Variants in COL24A1 observed in about 807,000 individuals in gnomAD.
The protein encoded by COL24A1 is collagen alpha-1(XXIV) chain.
In COL24A1, 224 loss-of-function variants were observed where a neutral mutation model predicts 253.9. That is an observed-to-expected ratio of 0.88 (90% CI 0.79 to 0.99). COL24A1 has a LOEUF of 0.99. Among genes scored for constraint, COL24A1 ranks in the 50% least tolerant of loss-of-function variants. The probability of loss-of-function intolerance (pLI) is 0.00; values close to 1 mark genes in which losing one functional copy is unlikely to be tolerated. For missense variants in COL24A1, 2,131 were observed against 2,068.5 expected (o/e 1.03, Z -0.59); for synonymous variants, 685 against 673.7 (o/e 1.02, Z -0.26).
chr1:85,899,287 T>C (rs1420220718), intron 28 of COL24A1, among the ~76,000 whole-genome samples: 1 of 152,122 alleles, frequency 6.6e-6, no homozygotes, highest in Non-Finnish European at 1.5e-5. Context: ...TAAAATACTA[T>C]AAAAAACAAG....
At chr1:86,133,823 T>C (rs1018050187) in intron 2 of COL24A1, among the ~76,000 whole-genome samples, 1 of 152,054 alleles carries the variant, frequency 6.6e-6, no homozygotes, top group Non-Finnish European at 1.5e-5. Context: ...TTTTGTTGTG[T>C]CTCTGCCAGG....
chr1:85,823,143 A>T (rs1419729973), intron 45 of COL24A1, among the ~76,000 whole-genome samples: 5 of 152,154 alleles, frequency 3.3e-5, no homozygotes, highest in Non-Finnish European at 7.3e-5. Context: ...AACAATTATC[A>T]TTTAATAATT....
At chr1:85,747,147 T>A (rs1368993614) in intron 55 of COL24A1, among the ~76,000 whole-genome samples, 1 of 148,972 alleles carries the variant, frequency 6.7e-6, no homozygotes, top group South Asian at 2.1e-4. Context: ...AGTCTCGCTC[T>A]GTCACCCAGG....
At chr1:86,059,209 G>C in intron 8 of COL24A1, 35 bp from the exon 9 acceptor site, 1 of 1,496,824 alleles carries the variant, frequency 6.7e-7, no homozygotes, top group Admixed American at 2.0e-5. Context: ...GTATAGCAAA[G>C]CCAAAGGAAA....
chr1:86,038,775 T>C (rs918336697), intron 12 of COL24A1, among the ~76,000 whole-genome samples: 1 of 152,072 alleles, frequency 6.6e-6, no homozygotes, highest in Non-Finnish European at 1.5e-5. Flanking sequence ...GAGGTCTCCA[T>C]GGGGAGGAAG....
At chr1:86,041,031 T>C (rs1699435458) in intron 12 of COL24A1, among the ~76,000 whole-genome samples, 1 of 152,178 alleles carries the variant, frequency 6.6e-6, no homozygotes, top group African/African-American at 2.4e-5. Flanking sequence ...ATTCTAACTC[T>C]AGATTTAGAA....
intron 47 of COL24A1, among the ~76,000 whole-genome samples, chr1:85,798,495 G>A (rs1360441949): frequency 6.6e-6 from 1 of 152,074 alleles, no homozygotes; most frequent in Non-Finnish European, 1.5e-5. Context: ...AAAGAATGTA[G>A]GTCTCTTTCT....
chr1:86,033,914 C>T lies in COL24A1; in HGVS notation c.1960G>A (p.Gly654Ser). ...GCAGGGCCTCTGTCTCCAAAGTCAC[C>T]TGGAAAACCCTGTCACAGGGAAAGA... is the stretch of plus-strand genomic sequence containing the variant. Reference protein sequence around the residue: ...KGFKGRQGFPGDFGDRGPAGL... With the variant: ...KGFKGRQGFPSDFGDRGPAGL... The change falls in exon 13 of 60, where the codon GGT (glycine) becomes AGT (serine). Residue 654 changes from glycine (G) to serine (S), a missense_variant. Physicochemically the swap from Gly to Ser is moderately conservative, Grantham distance 56. Transcript: ENST00000370571. 6.3e-7 allele frequency: 1 copy of T among 1,593,544 alleles called. No homozygotes were observed.
At chr1:86,054,316 T>A in intron 10 of COL24A1, among the ~76,000 whole-genome samples, 1 of 151,778 alleles carries the variant, frequency 6.6e-6, no homozygotes, top group African/African-American at 2.4e-5. Flanking sequence ...AAACTAAAGG[T>A]CTTCTGCAGA....
intron 53 of COL24A1, among the ~76,000 whole-genome samples, chr1:85,768,308 CAAG>C (rs1465994430): frequency 1.3e-5 from 2 of 151,688 alleles, no homozygotes; most frequent in African/African-American, 2.4e-5. Flanking sequence ...ATTCTAAGTG[CAAG>C]AAGAAGTCAT....
chr1:86,139,029 A>G (rs1650688114), intron 2 of COL24A1, among the ~76,000 whole-genome samples: 1 of 152,148 alleles, frequency 6.6e-6, no homozygotes, highest in African/African-American at 2.4e-5. Context: ...GTATGCTAAT[A>G]AAATCAGTCT....
At chr1:85,852,930 G>C (rs561133087) in intron 37 of COL24A1, among the ~76,000 whole-genome samples, 1 of 152,108 alleles carries the variant, frequency 6.6e-6, no homozygotes, top group Non-Finnish European at 1.5e-5. Context: ...AAGTACAGGC[G>C]CATGCCACAG....
At chr1:85,824,499 C>T (rs1260802837) in intron 43 of COL24A1, among the ~76,000 whole-genome samples, 1 of 152,138 alleles carries the variant, frequency 6.6e-6, no homozygotes, top group African/African-American at 2.4e-5. Flanking sequence ...CTATGGTCTC[C>T]ATTTTTACAA....
At chr1:85,900,797 G>A (rs1481797355) in intron 28 of COL24A1, among the ~76,000 whole-genome samples, 1 of 152,100 alleles carries the variant, frequency 6.6e-6, no homozygotes, top group East Asian at 1.9e-4. Context: ...AAGGTGCCAA[G>A]AGCACACAAT....
intron 11 of COL24A1, among the ~76,000 whole-genome samples, chr1:86,049,675 CT>C (rs1313501194): frequency 5.9e-5 from 9 of 152,200 alleles, no homozygotes; most frequent in Non-Finnish European, 1.2e-4. Flanking sequence ...AAGGTTCTAT[CT>C]TTACTTATAA....
chr1:86,022,172 G>T, intron 18 of COL24A1, 68 bp downstream of exon 18: 1 of 1,337,170 alleles, frequency 7.5e-7, no homozygotes, highest in Non-Finnish European at 1.1e-6. Flanking sequence ...TAGATCAACA[G>T]TGTCGAGACT....
intron 47 of COL24A1, among the ~76,000 whole-genome samples, chr1:85,811,629 ATGTT>A (rs756557378): frequency 5.3e-5 from 8 of 151,924 alleles, no homozygotes; most frequent in Non-Finnish European, 1.2e-4. Flanking sequence ...TTGTTTGTTT[ATGTT>A]TGTTTTATAA....
intron 32 of COL24A1, among the ~76,000 whole-genome samples, chr1:85,878,344 C>T (rs992334659): frequency 7.9e-5 from 12 of 152,250 alleles, no homozygotes; most frequent in South Asian, 4.1e-4. Context: ...CTAGCTCTCT[C>T]GTGCATCTTT....
At chr1:86,053,917 G>A (rs1002617335) in intron 10 of COL24A1, among the ~76,000 whole-genome samples, 3 of 152,048 alleles carry the variant, frequency 2.0e-5, no homozygotes, top group African/African-American at 7.2e-5. Flanking sequence ...TATCCTATGA[G>A]TGTGTTTCTA....
Sources: gnomAD v4.1 joint callset for allele counts (sites outside exome capture counted in the v4.1 genomes callset) on GRCh38, gnomAD v4.1.1 for gene constraint, MANE v1.5 for transcripts, NCBI Gene and HGNC (gene_info 2026-07-23, HGNC 2026-07-21) for gene names.